Variants in INSYN2B observed in about 807,000 individuals in gnomAD.
The protein encoded by INSYN2B is inhibitory synaptic factor family member 2B, also known as protein INSYN2B.
In INSYN2B, 16 loss-of-function variants were observed where a neutral mutation model predicts 41.2. The ratio of observed to expected loss-of-function variants is 0.39; its 90% CI spans 0.26 to 0.59. The LOEUF (loss-of-function observed/expected upper bound fraction) is 0.59. Ranked by LOEUF, INSYN2B falls within the 20% of genes least tolerant of loss-of-function variation. The pLI is 0.57. For missense variants in INSYN2B, 608 were observed against 646.4 expected, an observed-to-expected ratio of 0.94 and a Z score of 0.64; for synonymous variants, 245 against 244.4, an observed-to-expected ratio of 1.00 and a Z score of -0.02.
rs60698190 is a variant in INSYN2B, at chr5:169,862,506, G to GA, written c.*1766dup. ...CTGACAGTTGATCGTATGGATACAG[G>GA]AAAAAAAAAATCTGTGGCTTTTAGC... On this transcript the variant is annotated 3_prime_UTR_variant, in exon 4 of 4. Transcript: ENST00000377365. Among the ~76,000 whole-genome samples the GA allele has an allele frequency of 0.1, 15,613 of 150,150 alleles. 906 individuals are homozygous for GA. The highest frequency in any genetic ancestry group is 0.15 in the African/African-American group (6,219 of 41,018).
chr5:169,959,578 T>G (rs575769421), intron 1 of INSYN2B, among the ~76,000 whole-genome samples: 1 of 152,300 alleles, frequency 6.6e-6, no homozygotes, highest in East Asian at 1.9e-4. Context: ...TTTGGAATCT[T>G]GCAAGCAGAG....
chr5:169,946,271 C>G (rs578083079), intron 1 of INSYN2B, among the ~76,000 whole-genome samples: 1 of 152,190 alleles, frequency 6.6e-6, no homozygotes, highest in Non-Finnish European at 1.5e-5. Context: ...TCCAGCCCCC[C>G]ACATCCAGCC....
At chr5:169,864,528 GC>G (rs1771415472) in intron 3 of INSYN2B, 69 bp from the exon 4 acceptor site, 2 of 1,199,746 alleles carry the variant, frequency 1.7e-6, no homozygotes, top group South Asian at 3.2e-5. Flanking sequence ...GCATCTCTCA[GC>G]CCCAACTAAT....
chr5:169,970,886 G>T (rs1170891592), intron 1 of INSYN2B, among the ~76,000 whole-genome samples: 1 of 152,110 alleles, frequency 6.6e-6, no homozygotes, highest in Non-Finnish European at 1.5e-5. Context: ...CTTTAATTGA[G>T]TGTGGATCCG....
intron 1 of INSYN2B, among the ~76,000 whole-genome samples, chr5:169,887,601 A>T (rs1773045046): frequency 6.6e-6 from 1 of 152,224 alleles, no homozygotes; most frequent in Non-Finnish European, 1.5e-5. Context: ...TTGTCTAGTT[A>T]TACAATTATC....
chr5:169,891,714 G>A (rs1387814657), intron 1 of INSYN2B, among the ~76,000 whole-genome samples: 1 of 152,100 alleles, frequency 6.6e-6, no homozygotes, highest in Non-Finnish European at 1.5e-5. Flanking sequence ...GCCGGGCACG[G>A]TGGTTCACAC....
chr5:169,945,675 G>T (rs1468443083), intron 1 of INSYN2B, among the ~76,000 whole-genome samples: 3 of 152,184 alleles, frequency 2.0e-5, no homozygotes, highest in African/African-American at 4.8e-5. Context: ...TACTAGGAAG[G>T]AGTAGAACGG....
At chr5:169,945,454 T>C (rs1273072537) in intron 1 of INSYN2B, among the ~76,000 whole-genome samples, 1 of 152,260 alleles carries the variant, frequency 6.6e-6, no homozygotes, top group Non-Finnish European at 1.5e-5. Context: ...GTGTTATTAA[T>C]TGAGCTGTTA....
intron 1 of INSYN2B, chr5:169,934,805 G>A: frequency 2.3e-6 from 1 of 441,126 alleles, no homozygotes; most frequent in Non-Finnish European, 4.6e-6. Context: ...ATTATTATCT[G>A]TATGATAAAT....
intron 1 of INSYN2B, among the ~76,000 whole-genome samples, chr5:169,948,166 A>G (rs1776519941): frequency 6.6e-6 from 1 of 151,950 alleles, no homozygotes; most frequent in Admixed American, 6.5e-5. Flanking sequence ...TCTTCTCTTC[A>G]TTCATTCACT....
At chr5:169,910,879 A>T (rs764587789) in intron 1 of INSYN2B, among the ~76,000 whole-genome samples, 14 of 152,182 alleles carry the variant, frequency 9.2e-5, no homozygotes, top group Non-Finnish European at 1.9e-4. Flanking sequence ...TTTCTCCTGC[A>T]GGGGGTTGGT....
chr5:169,866,328 G>A (rs879652713), intron 3 of INSYN2B, among the ~76,000 whole-genome samples: 1 of 152,170 alleles, frequency 6.6e-6, no homozygotes, highest in Non-Finnish European at 1.5e-5. Context: ...TGAAACATAG[G>A]CTGTGGTTTT....
In INSYN2B at chr5:169,907,934, A is replaced by G. The variant is rs188064763; in HGVS notation, c.-918-23118T>C. 2.3e-3 allele frequency among the ~76,000 whole-genome samples: 348 copies of G among 152,368 alleles called. 2 individuals are homozygous for G. The highest frequency in any genetic ancestry group is 7.9e-3 in the African/African-American group (330 of 41,580). On this transcript the variant is annotated intron_variant, in intron 1 of 3. Transcript: ENST00000377365. ...CCGTGTCGGTAAACATCTCTTGTGCAGGCACTTCTTGCCAAAACATTTTGC... is the reference window on the plus strand; with the variant it reads ...CCGTGTCGGTAAACATCTCTTGTGCGGGCACTTCTTGCCAAAACATTTTGC...
chr5:169,977,191 T>A (rs1777746403), intron 1 of INSYN2B, among the ~76,000 whole-genome samples: 1 of 152,258 alleles, frequency 6.6e-6, no homozygotes, highest in African/African-American at 2.4e-5. Flanking sequence ...CAGCATGCTC[T>A]GTTCCAAGAG....
chr5:169,898,528 A>AAAC (rs36216194), intron 1 of INSYN2B, among the ~76,000 whole-genome samples: 3,172 of 151,232 alleles, frequency 0.021, 55 homozygotes, highest in South Asian at 0.073. Context: ...CACACACACA[A>AAAC]AACAACAACA....
chr5:169,952,077 G>C (rs188933189), intron 1 of INSYN2B, among the ~76,000 whole-genome samples: 1 of 152,290 alleles, frequency 6.6e-6, no homozygotes, highest in East Asian at 1.9e-4. Flanking sequence ...TAAGCCCCAA[G>C]GGTTTCTCCT....
Position 169,914,380 on chromosome 5 carries a change from C to T in INSYN2B, c.-918-29564G>A, listed in dbSNP as rs1344391475. On this transcript the variant is annotated intron_variant, in intron 1 of 3. Transcript: ENST00000377365. ...CCTTCATTCAGAAAAGAATACAATA[C>T]TAAGTGCCTACTCTGAGCCAGGAAC... 2.6e-5 allele frequency among the ~76,000 whole-genome samples: 4 copies of T among 152,166 alleles called. No homozygotes were observed. The East Asian group carries it at 5.8e-4, about 22-fold the overall frequency.
chr5:169,891,154 A>G (rs1008033150), intron 1 of INSYN2B, among the ~76,000 whole-genome samples: 2 of 151,828 alleles, frequency 1.3e-5, no homozygotes, highest in South Asian at 2.1e-4. Flanking sequence ...ATTCATTCTC[A>G]TCATCTGGCT....
chr5:169,961,028 C>T (rs566490815), intron 1 of INSYN2B, among the ~76,000 whole-genome samples: 15 of 152,254 alleles, frequency 9.9e-5, no homozygotes, highest in South Asian at 6.2e-4. Context: ...CTAAGAAAGA[C>T]GACTGTAACT....
Sources: gnomAD v4.1 joint callset for allele counts (sites outside exome capture counted in the v4.1 genomes callset) on GRCh38, gnomAD v4.1.1 for gene constraint, MANE v1.5 for transcripts, NCBI Gene and HGNC (gene_info 2026-07-23, HGNC 2026-07-21) for gene names.